NRXN3: variants seen among roughly 807,000 people sequenced by gnomAD.
NRXN3 encodes the protein neurexin III.
NRXN3 carries 32 observed loss-of-function variants against 137.6 expected under a neutral mutation model. The observed-to-expected ratio is 0.23, with a 90% CI of 0.18 to 0.31. The LOEUF is 0.31. Among genes scored for constraint, NRXN3 ranks in the 10% least tolerant of loss-of-function variants. NRXN3 has a pLI of 1.00. For missense variants in NRXN3, 1,574 were observed against 2,062.5 expected (o/e 0.76, Z 4.59); for synonymous variants, 798 against 784.5 (o/e 1.02, Z -0.29).
At chr14:79,702,764 C>T (rs1249202687) in intron 19 of NRXN3, among the ~76,000 whole-genome samples, 1 of 152,054 alleles carries the variant, frequency 6.6e-6, no homozygotes, top group African/African-American at 2.4e-5. Context: ...CTACAACTGA[C>T]TCCAATATTG....
chr14:79,159,163 C>T (rs2060527158), intron 15 of NRXN3, among the ~76,000 whole-genome samples: 1 of 151,642 alleles, frequency 6.6e-6, no homozygotes, highest in Admixed American at 6.6e-5. Flanking sequence ...AAAACTGTTG[C>T]CATGACCTTT....
intron 4 of NRXN3, among the ~76,000 whole-genome samples, chr14:78,632,758 A>G (rs1017985588): frequency 2.6e-5 from 4 of 152,210 alleles, no homozygotes; most frequent in African/African-American, 7.2e-5. Context: ...TCTATTAATA[A>G]TTCATTTGTT....
At chr14:78,961,366 C>T (rs2152980811) in intron 11 of NRXN3, among the ~76,000 whole-genome samples, 1 of 152,152 alleles carries the variant, frequency 6.6e-6, no homozygotes, top group South Asian at 2.1e-4. Context: ...CAAGCCCCTC[C>T]CCCCAGAAGT....
At chr14:78,996,889 A>T (rs2099531299) in intron 15 of NRXN3, among the ~76,000 whole-genome samples, 1 of 152,138 alleles carries the variant, frequency 6.6e-6, no homozygotes, top group East Asian at 1.9e-4. Flanking sequence ...GTCAGAAGAT[A>T]ACAATGAAAC....
intron 15 of NRXN3, among the ~76,000 whole-genome samples, chr14:79,429,637 A>C (rs892408264): frequency 6.6e-6 from 1 of 152,222 alleles, no homozygotes; most frequent in African/African-American, 2.4e-5. Context: ...TACGATCGCC[A>C]AATGATAGCA....
chr14:79,257,478 GTGA>G (rs1382201650), intron 15 of NRXN3, among the ~76,000 whole-genome samples: 4 of 54,910 alleles, frequency 7.3e-5, no homozygotes, highest in Non-Finnish European at 1.5e-4. Flanking sequence ...GGTGATGGTG[GTGA>G]TGGTGGTGAT....
At chr14:79,732,876 G>GTATT (rs2098928929) in intron 19 of NRXN3, among the ~76,000 whole-genome samples, 1 of 152,052 alleles carries the variant, frequency 6.6e-6, no homozygotes, top group South Asian at 2.1e-4. Context: ...TATTTATACA[G>GTATT]TATTAATGTG....
chr14:78,754,492 A>T lies in NRXN3; in HGVS notation c.2044+39353A>T, dbSNP rs75879345. Among the ~76,000 whole-genome samples, 687 of 152,338 alleles carry T rather than the reference A, an allele frequency of 4.5e-3. 16 individuals carry two copies. The East Asian group carries it at 0.061, about 14-fold the overall frequency. ...GTCTTCTTCACATATTTTCTCAAAC[A>T]CAAATGCAGATCTCAGTTTCAAGGT... is the stretch of plus-strand genomic sequence containing the variant. On this transcript the variant is annotated intron_variant, in intron 8 of 20. Coordinates refer to ENST00000335750, the MANE Select transcript of NRXN3 (RefSeq NM_001330195.2).
At chr14:78,788,615 T>C (rs1487361997) in intron 8 of NRXN3, among the ~76,000 whole-genome samples, 1 of 152,196 alleles carries the variant, frequency 6.6e-6, no homozygotes, top group African/African-American at 2.4e-5. Flanking sequence ...TCCTCTGCAC[T>C]CTAGCAATTG....
rs115406852 is a variant in NRXN3 at position 78,952,258 on chromosome 14, C to A, written c.2276-4984C>A. Among the ~76,000 whole-genome samples, 255 of 151,924 alleles carry A rather than the reference C, an allele frequency of 1.7e-3. 1 individual carries two copies. Among genetic ancestry groups the A allele is most frequent in the African/African-American group, 5.9e-3 (245 of 41,416 alleles). ...GTTTTTTTTTTCCAGTGAATATGAA[C>A]GCTTTAAAACTAAGTTTGTAAAAAC... On this transcript the variant is annotated intron_variant, in intron 10 of 20. Coordinates refer to ENST00000335750, the MANE Select transcript of NRXN3 (RefSeq NM_001330195.2).
chr14:78,855,912 G>T (rs996372532), intron 10 of NRXN3, among the ~76,000 whole-genome samples: 1 of 152,148 alleles, frequency 6.6e-6, no homozygotes, highest in African/African-American at 2.4e-5. Flanking sequence ...AAAAATGGAA[G>T]TGTCCCCAAG....
Position 79,862,059 on chromosome 14 carries a change from C to T in NRXN3, c.*95C>T. The T allele has an allele frequency of 9.2e-7, 1 of 1,089,366 alleles. No homozygotes were observed. The highest frequency in any genetic ancestry group is 2.6e-5 in the East Asian group (1 of 38,640). The allele number at this position is 1,089,366 out of a possible 1,614,324, so 67.5% of individuals were successfully genotyped here. A position where few individuals can be genotyped will look rare whatever the true frequency, so the allele number is the denominator to read the frequency against. On this transcript the variant is annotated 3_prime_UTR_variant, in exon 21 of 21. Transcript: ENST00000335750. The stretch of plus-strand genomic sequence containing the variant: ...TGAGATCTCACAGATGTCAGAACTG[C>T]TGGAACTATGAAATGGGGTATATAA...
chr14:78,832,556 G>A (rs892351470), intron 10 of NRXN3, among the ~76,000 whole-genome samples: 2 of 151,986 alleles, frequency 1.3e-5, no homozygotes, highest in African/African-American at 4.8e-5. Context: ...GTGTACAAGA[G>A]TAGGCCAATA....
At chr14:79,558,797 C>T (rs780983604) in intron 16 of NRXN3, among the ~76,000 whole-genome samples, 2 of 152,120 alleles carry the variant, frequency 1.3e-5, no homozygotes, top group Non-Finnish European at 2.9e-5. Context: ...ACTACACCTT[C>T]GTCCAGCAGA....
intron 19 of NRXN3, among the ~76,000 whole-genome samples, chr14:79,781,480 G>A (rs935508906): frequency 1.3e-5 from 2 of 152,210 alleles, no homozygotes; most frequent in Non-Finnish European, 1.5e-5. Flanking sequence ...CCTTGCTCAT[G>A]CTTCATGAAA....
At chr14:78,801,750 C>A (rs184894521) in intron 8 of NRXN3, among the ~76,000 whole-genome samples, 4 of 152,290 alleles carry the variant, frequency 2.6e-5, no homozygotes, top group Admixed American at 1.3e-4. Context: ...GAGATACTAC[C>A]TGATCTACCT....
intron 2 of NRXN3, among the ~76,000 whole-genome samples, chr14:78,263,250 A>T (rs1273734282): frequency 1.3e-5 from 2 of 152,214 alleles, no homozygotes; most frequent in Admixed American, 1.3e-4. Context: ...TAATCTGAAG[A>T]TGACTGTTGC....
At chr14:79,242,253 A>G (rs776342457) in intron 15 of NRXN3, among the ~76,000 whole-genome samples, 14 of 152,080 alleles carry the variant, frequency 9.2e-5, no homozygotes, top group Non-Finnish European at 1.5e-4. Flanking sequence ...TTGGGATTCT[A>G]TACTCATGGA....
rs200933461 is a variant in NRXN3, at chr14:79,755,505, A to AT, written c.4015-49601dup. On this transcript the variant is annotated intron_variant, in intron 19 of 20. Coordinates refer to ENST00000335750, the MANE Select transcript of NRXN3 (RefSeq NM_001330195.2). ...TTGGTCTGGAAATACCCCCACTTCC[A>AT]TTTTTTATGAAGTAAAAATACCGAA... Among the ~76,000 whole-genome samples, 768 of 148,092 alleles carry AT rather than the reference A, an allele frequency of 5.2e-3. 4 individuals carry two copies. The highest frequency in any genetic ancestry group is 0.014 in the East Asian group (71 of 5,102).
Sources: gnomAD v4.1 joint callset for allele counts (sites outside exome capture counted in the v4.1 genomes callset) on GRCh38, gnomAD v4.1.1 for gene constraint, MANE v1.5 for transcripts, NCBI Gene and HGNC (gene_info 2026-07-23, HGNC 2026-07-21) for gene names.